Variants in CUL1 observed in about 807,000 individuals in gnomAD.
CUL1 encodes the protein cullin 1.
A neutral mutation model predicts 118.0 loss-of-function variants in CUL1; 24 were observed. The ratio of observed to expected loss-of-function variants is 0.20; its 90% confidence interval spans 0.15 to 0.29. The LOEUF is 0.29. CUL1 is among the 10% of genes least tolerant of loss of function. The probability of loss-of-function intolerance (pLI) is 1.00; values close to 1 mark genes in which losing one functional copy is unlikely to be tolerated. For synonymous variants in CUL1, 332 were observed against 340.4 expected (o/e 0.98, Z 0.27); for missense variants, 361 against 933.8 (o/e 0.39, Z 7.99).
chr7:148,718,412 A>G (rs1798284486), intron 1 of CUL1, among the ~76,000 whole-genome samples: 1 of 152,168 alleles, frequency 6.6e-6, no homozygotes, highest in South Asian at 2.1e-4. Context: ...CCAGGCAGCT[A>G]CTAACCTGCT....
intron 17 of CUL1, among the ~76,000 whole-genome samples, chr7:148,794,553 TTA>T (rs1801120724): frequency 6.6e-6 from 1 of 152,208 alleles, no homozygotes; most frequent in African/African-American, 2.4e-5. Flanking sequence ...TCTGGATCCC[TTA>T]TGTTACCTTA....
At chr7:148,746,323 G>T (rs1320368608) in intron 2 of CUL1, among the ~76,000 whole-genome samples, 1 of 152,246 alleles carries the variant, frequency 6.6e-6, no homozygotes, top group East Asian at 1.9e-4. Context: ...AGCTGGCCAG[G>T]TATCAGTGAT....
chr7:148,796,971 C>T (rs1486609174), intron 17 of CUL1, among the ~76,000 whole-genome samples: 1 of 152,158 alleles, frequency 6.6e-6, no homozygotes, highest in Non-Finnish European at 1.5e-5. Flanking sequence ...GACTCCACTG[C>T]CCGTGGGTTG....
intron 17 of CUL1, among the ~76,000 whole-genome samples, 161 bp from the exon 18 acceptor site, chr7:148,797,651 T>G (rs1403642284): frequency 1.3e-5 from 2 of 151,986 alleles, no homozygotes; most frequent in African/African-American, 4.8e-5. Context: ...TTAGTGAACT[T>G]CTAAGAAGTA....
chr7:148,732,827 G>A (rs377284921), intron 2 of CUL1, among the ~76,000 whole-genome samples: 1 of 152,082 alleles, frequency 6.6e-6, no homozygotes, highest in Non-Finnish European at 1.5e-5. Context: ...TTTTAGGACT[G>A]CCTCTCAAAT....
rs756864364 is a variant in CUL1, at chr7:148,783,956, T to G, written c.1192-15T>G. ...GATGGGGCGTTTGTCTCTAACTATATTCCGTGTAACGCAGGCTTGTGGTCG... is the reference window on the plus strand; with the variant it reads ...GATGGGGCGTTTGTCTCTAACTATAGTCCGTGTAACGCAGGCTTGTGGTCG... On this transcript the variant is annotated splice_polypyrimidine_tract_variant and intron_variant, in intron 10 of 21. Coordinates refer to ENST00000325222, the MANE Select transcript of CUL1 (RefSeq NM_003592.3). 6.2e-7 allele frequency: 1 copy of G among 1,613,888 alleles called. No homozygotes were observed. Among genetic ancestry groups the G allele is most frequent in the African/African-American group, 1.3e-5 (1 of 74,904 alleles).
intron 17 of CUL1, among the ~76,000 whole-genome samples, chr7:148,793,602 C>T (rs1205566038): frequency 1.3e-5 from 2 of 152,164 alleles, no homozygotes; most frequent in Admixed American, 1.3e-4. Flanking sequence ...GCAAGGTTTG[C>T]CCATGTTCTA....
rs1180901058 is a variant in CUL1 at position 148,759,451 on chromosome 7, C to G, written c.534+97C>G. The G allele has an allele frequency of 7.7e-6, 11 of 1,432,964 alleles. No homozygotes were observed. In the Admixed American group the frequency reaches 1.9e-4, roughly 24 times the overall value. 88.8% of individuals were successfully genotyped at this position (1,432,964 alleles called of 1,614,324 possible). A position where few individuals can be genotyped will look rare whatever the true frequency, so the allele number is the denominator to read the frequency against. On this transcript the variant is annotated intron_variant, in intron 5 of 21. Coordinates refer to ENST00000325222, the MANE Select transcript of CUL1 (RefSeq NM_003592.3). ...TCGTCACTCCTTCGGATTATCCCATCTTACATTGTTTAGTGGCTGTGAATG... is the reference window on the plus strand; with the variant it reads ...TCGTCACTCCTTCGGATTATCCCATGTTACATTGTTTAGTGGCTGTGAATG...
chr7:148,752,432 A>G (rs1227064718), intron 2 of CUL1, among the ~76,000 whole-genome samples: 3 of 152,066 alleles, frequency 2.0e-5, no homozygotes, highest in Non-Finnish European at 4.4e-5. Context: ...AATAGTTAAT[A>G]ATTTTTCATT....
At chr7:148,794,036 T>C (rs1184731972) in intron 17 of CUL1, among the ~76,000 whole-genome samples, 1 of 152,220 alleles carries the variant, frequency 6.6e-6, no homozygotes, top group Non-Finnish European at 1.5e-5. Context: ...TTGCCATTTG[T>C]ATATCTTCTT....
chr7:148,713,000 A>G (rs1033507901), intron 1 of CUL1, among the ~76,000 whole-genome samples: 3 of 152,186 alleles, frequency 2.0e-5, no homozygotes, highest in Non-Finnish European at 1.5e-5. Context: ...GTTACATTCT[A>G]TGAGCTCTTT....
At chr7:148,758,246 A>C (rs1448963286) in intron 4 of CUL1, among the ~76,000 whole-genome samples, 1 of 152,220 alleles carries the variant, frequency 6.6e-6, no homozygotes, top group Non-Finnish European at 1.5e-5. Context: ...CCACACAGAC[A>C]ATGCCCTTTA....
At chr7:148,779,104 G>A (rs1407170249) in intron 9 of CUL1, among the ~76,000 whole-genome samples, 1 of 152,196 alleles carries the variant, frequency 6.6e-6, no homozygotes, top group Non-Finnish European at 1.5e-5. Flanking sequence ...GAAAGAGTAA[G>A]ATAAAAAGTT....
At chr7:148,760,258 C>G (rs1004558244) in intron 6 of CUL1, 75 bp from the exon 7 acceptor site, 5 of 1,243,272 alleles carry the variant, frequency 4.0e-6, no homozygotes, top group Non-Finnish European at 5.5e-6. Flanking sequence ...AAACTGAATG[C>G]TACACCTAAG....
intron 9 of CUL1, among the ~76,000 whole-genome samples, chr7:148,781,247 A>AT (rs1440090667): frequency 1.3e-5 from 2 of 151,574 alleles, no homozygotes; most frequent in Admixed American, 6.6e-5. Context: ...CCCTCAGCTG[A>AT]TTTTTTTGTA....
intron 2 of CUL1, among the ~76,000 whole-genome samples, chr7:148,744,576 A>T (rs1799249581): frequency 6.6e-6 from 1 of 152,158 alleles, no homozygotes; most frequent in African/African-American, 2.4e-5. Context: ...TACTACTCGT[A>T]TCGCTCTCCT....
intron 1 of CUL1, among the ~76,000 whole-genome samples, chr7:148,705,574 G>A (rs1167498161): frequency 1.3e-5 from 2 of 152,162 alleles, no homozygotes; most frequent in South Asian, 2.1e-4. Flanking sequence ...AAATAGTTAC[G>A]TGTGCCTAAT....
chr7:148,766,088 A>G (rs534323425), intron 7 of CUL1, among the ~76,000 whole-genome samples: 54 of 152,314 alleles, frequency 3.5e-4, no homozygotes, highest in African/African-American at 1.2e-3. Flanking sequence ...TGGCTGTTTA[A>G]ATATGGTTGT....
At chr7:148,736,512 A>G (rs1196517400) in intron 2 of CUL1, among the ~76,000 whole-genome samples, 2 of 152,084 alleles carry the variant, frequency 1.3e-5, no homozygotes, top group Non-Finnish European at 2.9e-5. Flanking sequence ...TATGTTGCCC[A>G]GGCTGGTCTT....
Sources: allele counts gnomAD v4.1 joint callset (sites outside exome capture counted in the v4.1 genomes callset), GRCh38; gene constraint gnomAD v4.1.1; transcripts MANE v1.5; gene names NCBI Gene and HGNC (gene_info 2026-07-23, HGNC 2026-07-21).